KIF2C: variants seen among roughly 807,000 people sequenced by gnomAD.
The protein encoded by KIF2C is kinesin-like protein KIF2C.
KIF2C carries 34 observed loss-of-function variants against 97.4 expected under a neutral mutation model. The observed-to-expected ratio is 0.35, with a 90% confidence interval of 0.27 to 0.46. The LOEUF (loss-of-function observed/expected upper bound fraction) is 0.46. Ranked by LOEUF, KIF2C falls within the 20% of genes least tolerant of loss-of-function variation. KIF2C has a pLI of 1.00. For synonymous variants in KIF2C, 313 were observed against 318.2 expected, an observed-to-expected ratio of 0.98 and a Z score of 0.17; for missense variants, 750 against 907.6, an observed-to-expected ratio of 0.83 and a Z score of 2.23.
At chr1:44,741,996 C>CA (rs397980058) in intron 2 of KIF2C, among the ~76,000 whole-genome samples, 24,771 of 67,556 alleles carry the variant, frequency 0.37, 5,443 homozygotes, top group Non-Finnish European at 0.47. Context: ...GGACTTGTCT[C>CA]AAAAAAAAAA....
At position 44,767,281 on chromosome 1, in the gene KIF2C, G is replaced by C; in HGVS notation, c.*102G>C. On this transcript the variant is annotated 3_prime_UTR_variant, in exon 21 of 21. Transcript: ENST00000372224. ...GTGGGTCTAGGCAGGGTCTGAGCTGGGACAGGTTCTGGTAAATGCCAAGTA... is the reference window on the plus strand; with the variant it reads ...GTGGGTCTAGGCAGGGTCTGAGCTGCGACAGGTTCTGGTAAATGCCAAGTA... 9.9e-7 allele frequency: 1 copy of C among 1,005,706 alleles called. No individual in the cohort carries two copies. The highest frequency in any genetic ancestry group is 1.5e-6 in the Non-Finnish European group (1 of 657,760). The allele number at this position is 1,005,706 out of a possible 1,614,324, so 62.3% of individuals were successfully genotyped here. A position where few individuals can be genotyped will look rare whatever the true frequency, so the allele number is the denominator to read the frequency against.
In KIF2C at chr1:44,757,941, A is replaced by G. The variant is rs751326962; in HGVS notation, c.1102A>G (p.Asn368Asp). Residue 368 changes from asparagine (N) to aspartate (D), a missense_variant, in exon 12 of 21, where the codon AAT becomes GAT. By Grantham distance (23) the Asn-to-Asp change is conservative. Transcript: ENST00000372224. ...MGGDLSGKAQNASKGIYAMAS... is the reference protein window; with the variant it reads ...MGGDLSGKAQDASKGIYAMAS... ...CGGAGACCTCTCTGGGAAAGCCCAG[A>G]ATGCATCCAAAGGGATCTATGCCAT... 6.2e-7 allele frequency: 1 copy of G among 1,614,194 alleles called. No homozygotes were observed. Among genetic ancestry groups the G allele is most frequent in the East Asian group, 2.2e-5 (1 of 44,882 alleles).
At chr1:44,747,827 C>G in intron 4 of KIF2C, 127 bp downstream of exon 4, 1 of 743,628 alleles carries the variant, frequency 1.3e-6, no homozygotes, top group Non-Finnish European at 2.2e-6. Context: ...GCCTGTGTTC[C>G]AAGCATCTTT....
intron 11 of KIF2C, 77 bp from the exon 12 acceptor site, chr1:44,757,831 T>G: frequency 1.4e-6 from 2 of 1,444,502 alleles, no homozygotes; most frequent in East Asian, 4.6e-5. Context: ...TGTGGCCCAC[T>G]GTAGTGAAGG....
Position 44,767,120 on chromosome 1 carries a change from G to C in KIF2C, c.2119G>C (p.Ala707Pro). Residue 707 changes from alanine (A) to proline (P), a missense_variant, in exon 21 of 21, where the codon GCC becomes CCC. Physicochemically the swap from Ala to Pro is conservative, Grantham distance 27 (BLOSUM62 -1). Coordinates refer to ENST00000372224, the MANE Select transcript of KIF2C (RefSeq NM_006845.4). ...LRDVIKALRL[A>P]MQLEEQASRQ... is the part of the protein sequence containing the mutation. ...AGATGTCATCAAGGCCTTGCGCCTG[G>C]CCATGCAGCTGGAAGAGCAGGCTAG... 6.2e-7 allele frequency: 1 copy of C among 1,614,156 alleles called. No individual in the cohort carries two copies. Among genetic ancestry groups the C allele is most frequent in the South Asian group, 1.1e-5 (1 of 91,076 alleles).
Position 44,739,969 on chromosome 1 carries a change from C to G in KIF2C, c.37C>G (p.Pro13Ala). The change falls in exon 1 of 21, where the codon CCC becomes GCC. Residue 13 changes from proline to alanine, a missense_variant. By Grantham distance (27) the Pro-to-Ala change is conservative (BLOSUM62 -1). Transcript: ENST00000372224. ...CTCGTCGCTTCAGGCCCGCCTGTTT[C>G]CCGGTCTCGCTATCAAGATCCAACG... ...MDSSLQARLF[P>A]GLAIKIQRSN... 6.2e-7 allele frequency: 1 copy of G among 1,614,216 alleles called. No homozygotes were observed. Among genetic ancestry groups the G allele is most frequent in the East Asian group, 2.2e-5 (1 of 44,894 alleles).
chr1:44,761,936 C>T lies in KIF2C; in HGVS notation c.1704C>T (p.Gly568=), dbSNP rs1650165142. 6.2e-7 allele frequency: 1 copy of T among 1,614,166 alleles called. No individual in the cohort carries two copies. Among genetic ancestry groups the T allele is most frequent in the African/African-American group, 1.3e-5 (1 of 75,042 alleles). Residue 568 remains glycine, a synonymous_variant, in exon 17 of 21, where the codon GGC becomes GGT. Coordinates refer to ENST00000372224, the MANE Select transcript of KIF2C (RefSeq NM_006845.4). ...RTCMIATISP[G]ISSCEYTLNT... is the part of the protein sequence containing the mutation. ...TGCAGATTGCCACGATCTCACCAGG[C>T]ATAAGCTCCTGTGAATATACTTTAA...
chr1:44,756,687 G>A (rs1481393306), intron 10 of KIF2C, among the ~76,000 whole-genome samples: 2 of 151,168 alleles, frequency 1.3e-5, no homozygotes, highest in African/African-American at 2.4e-5. Flanking sequence ...CACATAGCTG[G>A]GATTACAGGC....
At chr1:44,751,497 T>C (rs1215397774) in intron 5 of KIF2C, among the ~76,000 whole-genome samples, 1 of 147,684 alleles carries the variant, frequency 6.8e-6, no homozygotes, top group African/African-American at 2.5e-5. Flanking sequence ...CGCCCAGCCC[T>C]CTTTTTGTAC....
chr1:44,755,819 C>T, intron 8 of KIF2C, 110 bp from the exon 9 acceptor site: 1 of 967,016 alleles, frequency 1.0e-6, no homozygotes, highest in East Asian at 2.4e-5. Flanking sequence ...AGATCTTGGC[C>T]TCTGACTGGG....
chr1:44,759,232 C>A lies in KIF2C; in HGVS notation c.1251C>A (p.Ala417=). The stretch of plus-strand genomic sequence containing the variant: ...TGTTTGACCTGCTCAACAAGAAGGC[C>A]AAGCTGCGCGTGCTGGAGGACGGCA... ...GKLFDLLNKK[A]KLRVLEDGKQ... Residue 417 remains alanine (A), a synonymous_variant, in exon 14 of 21, where the codon GCC becomes GCA. Coordinates refer to ENST00000372224, the MANE Select transcript of KIF2C (RefSeq NM_006845.4). 6.2e-7 allele frequency: 1 copy of A among 1,614,122 alleles called. No individual in the cohort carries two copies. The highest frequency in any genetic ancestry group is 8.5e-7 in the Non-Finnish European group (1 of 1,180,028).
At chr1:44,766,312 G>T (rs983091438) in intron 19 of KIF2C, among the ~76,000 whole-genome samples, 2 of 152,098 alleles carry the variant, frequency 1.3e-5, no homozygotes, top group African/African-American at 4.8e-5. Flanking sequence ...AAGAGATGGG[G>T]ATAAGCTTGG....
In KIF2C at chr1:44,739,984, A is replaced by C; in HGVS notation, c.52A>C (p.Lys18Gln). ...QARLFPGLAIKIQRSNGLIHS... is the reference protein window; with the variant it reads ...QARLFPGLAIQIQRSNGLIHS... ...CCGCCTGTTTCCCGGTCTCGCTATC[A>C]AGATCCAACGCAGTAATGGTGAGGA... Residue 18 changes from lysine to glutamine, a missense_variant, in exon 1 of 21, where the codon AAG becomes CAG. Physicochemically the swap from Lys to Gln is moderately conservative, Grantham distance 53 (BLOSUM62 1). Transcript: ENST00000372224. 6.2e-7 allele frequency: 1 copy of C among 1,614,202 alleles called. No homozygotes were observed. The highest frequency in any genetic ancestry group is 1.1e-5 in the South Asian group (1 of 91,084).
chr1:44,741,652 T>C (rs1301095182), intron 2 of KIF2C, among the ~76,000 whole-genome samples: 1 of 152,008 alleles, frequency 6.6e-6, no homozygotes, highest in East Asian at 1.9e-4. Context: ...GCCACTGCAC[T>C]CTGGCCTGGG....
At chr1:44,763,121 T>G (rs1181377906) in intron 19 of KIF2C, among the ~76,000 whole-genome samples, 1 of 152,234 alleles carries the variant, frequency 6.6e-6, no homozygotes, top group Non-Finnish European at 1.5e-5. Flanking sequence ...GCCTCAGTTT[T>G]TGCATCTCTG....
rs530616663 is a variant in KIF2C at position 44,742,107 on chromosome 1, G to T, written c.165+1100G>T. 6.7e-4 allele frequency among the ~76,000 whole-genome samples: 98 copies of T among 145,732 alleles called. 1 individual carries two copies. The highest frequency in any genetic ancestry group is 1.5e-3 in the African/African-American group (60 of 39,562). ...ATCAATAATTTTCTGGGTTTTTTTT[G>T]TTTGTTTGTTTGTTTGTTTTGAGAC... On this transcript the variant is annotated intron_variant, in intron 2 of 20. Coordinates refer to ENST00000372224, the MANE Select transcript of KIF2C (RefSeq NM_006845.4).
At chr1:44,750,392 C>A (rs1330283898) in intron 4 of KIF2C, 50 bp from the exon 5 acceptor site, 2 of 1,327,786 alleles carry the variant, frequency 1.5e-6, no homozygotes, top group South Asian at 2.6e-5. Context: ...TGCCCCTGAC[C>A]ACCCTCGAGA....
chr1:44,758,032 A>G lies in KIF2C; in HGVS notation c.1133-17A>G. The stretch of plus-strand genomic sequence containing the variant: ...CAGAAAGGCAGGTTGTTTGCTTAGC[A>G]AAGTTCTCTCCCTCAGCCCGGGACG... On this transcript the variant is annotated splice_polypyrimidine_tract_variant and intron_variant, in intron 12 of 20. Coordinates refer to ENST00000372224, the MANE Select transcript of KIF2C (RefSeq NM_006845.4). 2 of 1,614,190 alleles carry G rather than the reference A, an allele frequency of 1.2e-6. No individual in the cohort carries two copies. Among genetic ancestry groups the G allele is most frequent in the Non-Finnish European group, 1.7e-6 (2 of 1,180,016 alleles).
At chr1:44,758,941 T>C (rs1271061480) in intron 13 of KIF2C, 2 of 463,448 alleles carry the variant, frequency 4.3e-6, no homozygotes, top group African/African-American at 3.9e-5. Context: ...TGTCTCACCT[T>C]TACAGATGAG....
Sources: allele counts gnomAD v4.1 joint callset (sites outside exome capture counted in the v4.1 genomes callset), GRCh38; gene constraint gnomAD v4.1.1; transcripts MANE v1.5; gene names NCBI Gene and HGNC (gene_info 2026-07-23, HGNC 2026-07-21).